RTL4: variants seen among roughly 807,000 people sequenced by gnomAD.
RTL4 encodes the protein retrotransposon Gag-like protein 4.
Under a neutral mutation model 5.3 loss-of-function variants are expected in RTL4, and 4 were observed. The observed-to-expected ratio is 0.75, with a 90% CI of 0.37 to 1.72. RTL4 has a LOEUF of 1.72. Ranked by LOEUF, RTL4 falls within the 40% of genes most tolerant of loss-of-function variation. The pLI is 0.04. For synonymous variants in RTL4, 98 were observed against 87.3 expected (o/e 1.12, Z -0.68); for missense variants, 260 against 227.1 (o/e 1.14, Z -0.93).
the RTL4 span, among the ~76,000 whole-genome samples, chrX:112,286,705 C>CT: frequency 3.6e-5 from 4 of 111,539 alleles, no homozygotes; most frequent in African/African-American, 1.3e-4. Flanking sequence ...ATTCTTGACT[C>CT]TTTTTTTAAA....
At chrX:112,092,627 C>T in the RTL4 span, among the ~76,000 whole-genome samples, 4 of 111,673 alleles carry the variant, frequency 3.6e-5, no homozygotes, top group East Asian at 8.5e-4. Flanking sequence ...ACCCAGATCT[C>T]ATCTTGTAGC....
chrX:112,136,391 C>T, the RTL4 span, among the ~76,000 whole-genome samples: 1 of 111,742 alleles, frequency 8.9e-6, no homozygotes, highest in African/African-American at 3.3e-5. Context: ...GAGTGGATAT[C>T]CATGCCTTTT....
chrX:112,236,509 A>ATAGATC, the RTL4 span, among the ~76,000 whole-genome samples: 9 of 80,960 alleles, frequency 1.1e-4, no homozygotes, highest in African/African-American at 3.9e-4. Flanking sequence ...AGATATAGAT[A>ATAGATC]TATATAAAAT....
At chrX:112,156,759 A>T in the RTL4 span, among the ~76,000 whole-genome samples, 1 of 111,650 alleles carries the variant, frequency 9.0e-6, no homozygotes, top group Non-Finnish European at 1.9e-5. Context: ...GGAAATGGGA[A>T]GAAGCAGACA....
chrX:112,226,303 C>A, the RTL4 span, among the ~76,000 whole-genome samples: 4 of 112,200 alleles, frequency 3.6e-5, no homozygotes, highest in Non-Finnish European at 7.5e-5. Context: ...GTCCATCCTT[C>A]AAGGCCTAGC....
At chrX:112,093,575 G>C in the RTL4 span, among the ~76,000 whole-genome samples, 1 of 111,904 alleles carries the variant, frequency 8.9e-6, no homozygotes, top group African/African-American at 3.2e-5. Context: ...GCTAGATACT[G>C]TGGATATAGC....
chrX:112,156,197 G>A, the RTL4 span, among the ~76,000 whole-genome samples: 1 of 112,481 alleles, frequency 8.9e-6, no homozygotes, highest in African/African-American at 3.2e-5. Context: ...GAGAGAGACA[G>A]CAATGTCCTT....
exon 1 of RTL4, chrX:112,454,917 G>A (rs1298873647): frequency 1.7e-6 from 2 of 1,208,238 alleles, no homozygotes. Flanking sequence ...ATCTCACCCA[G>A]TTTCATGGTG....
chrX:112,134,985 G>A, the RTL4 span, among the ~76,000 whole-genome samples: 1 of 111,901 alleles, frequency 8.9e-6, no homozygotes, highest in Non-Finnish European at 1.9e-5. Flanking sequence ...CAATGTCTAA[G>A]TATTACAAAT....
At chrX:112,386,146 TG>T in the RTL4 span, among the ~76,000 whole-genome samples, 1 of 112,343 alleles carries the variant, frequency 8.9e-6, no homozygotes. Context: ...CATAGGTGTA[TG>T]GTATACATGA....
the RTL4 span, among the ~76,000 whole-genome samples, chrX:112,296,608 CTTCTT>C: frequency 5.2e-5 from 5 of 96,767 alleles, no homozygotes; most frequent in Non-Finnish European, 1.0e-4. Context: ...CTTTTCTTTT[CTTCTT>C]TTTTTTTTTT....
chrX:112,101,536 A>G, the RTL4 span, among the ~76,000 whole-genome samples: 1 of 111,639 alleles, frequency 9.0e-6, no homozygotes, highest in Non-Finnish European at 1.9e-5. Flanking sequence ...AAACCCAGAA[A>G]AACTGATGAA....
the RTL4 span, among the ~76,000 whole-genome samples, chrX:112,250,101 C>A: frequency 9.2e-6 from 1 of 108,850 alleles, no homozygotes; most frequent in Non-Finnish European, 1.9e-5. Context: ...ACGGTGAAAC[C>A]CCGTCTCTAC....
the RTL4 span, among the ~76,000 whole-genome samples, chrX:112,309,204 T>G: frequency 1.8e-5 from 2 of 111,560 alleles, 1 homozygote; most frequent in Admixed American, 1.9e-4. Flanking sequence ...GTTAAGGTGC[T>G]GGCCAATTTG....
chrX:112,440,074 C>T, the RTL4 span, among the ~76,000 whole-genome samples: 1 of 111,499 alleles, frequency 9.0e-6, no homozygotes, highest in Admixed American at 9.5e-5. Context: ...CACAAATGTC[C>T]TCTATAAGGT....
chrX:112,321,178 A>G, the RTL4 span, among the ~76,000 whole-genome samples: 5 of 112,014 alleles, frequency 4.5e-5, no homozygotes, highest in Non-Finnish European at 7.5e-5. Context: ...AATGGCTATT[A>G]TACTTTGCTA....
At chrX:112,288,535 A>C in the RTL4 span, among the ~76,000 whole-genome samples, 1 of 112,252 alleles carries the variant, frequency 8.9e-6, no homozygotes, top group South Asian at 3.7e-4. Flanking sequence ...AAGGTTGTAA[A>C]AGAATGGGAT....
chrX:112,303,724 T>A, the RTL4 span, among the ~76,000 whole-genome samples: 7 of 101,355 alleles, frequency 6.9e-5, no homozygotes, highest in African/African-American at 2.6e-4. Context: ...AACCTGCACA[T>A]TGTGCACATG....
the RTL4 span, among the ~76,000 whole-genome samples, chrX:112,123,649 C>T: frequency 8.9e-6 from 1 of 111,778 alleles, no homozygotes; most frequent in Non-Finnish European, 1.9e-5. Flanking sequence ...TTTCTGAGGT[C>T]TGTGTTCTCT....
Sources: allele counts gnomAD v4.1 joint callset (sites outside exome capture counted in the v4.1 genomes callset), GRCh38; gene constraint gnomAD v4.1.1; transcripts MANE v1.5; gene names NCBI Gene and HGNC (gene_info 2026-07-23, HGNC 2026-07-21).